The following HSP90AA1 variants were observed in gnomAD, a reference collection of about 807,000 sequenced individuals.
HSP90AA1 encodes the protein heat shock protein 90 alpha family class A member 1.
A neutral mutation model predicts 73.3 loss-of-function variants in HSP90AA1; 18 were observed. That is an observed-to-expected ratio of 0.25 (90% CI 0.17 to 0.36). The LOEUF is 0.36. HSP90AA1 is among the 10% of genes least tolerant of loss of function. The pLI, the probability that HSP90AA1 is intolerant of heterozygous loss-of-function variation, is 1.00. For missense variants in HSP90AA1, 704 were observed against 874.2 expected (o/e 0.81, Z 2.45); for synonymous variants, 477 against 296.9 (o/e 1.61, Z -6.24).
upstream of HSP90AA1, among the ~76,000 whole-genome samples, chr14:102,089,119 C>G (rs2049317446): frequency 6.6e-6 from 1 of 152,094 alleles, no homozygotes; most frequent in Admixed American, 6.6e-5. Context: ...CGGGGTTTCA[C>G]CATGTTGGCC....
intron 6 of HSP90AA1, 165 bp from the exon 7 acceptor site, chr14:102,084,148 C>A: frequency 1.4e-6 from 1 of 715,212 alleles, no homozygotes; most frequent in Non-Finnish European, 2.4e-6. Flanking sequence ...CCACTCACTG[C>A]AACCTCTGCC....
chr14:102,101,727 A>G (rs1389319667), intron 2 of HSP90AA1: 2 of 699,636 alleles, frequency 2.9e-6, no homozygotes, highest in East Asian at 2.7e-5. Context: ...GTAGATGTCA[A>G]TGCAGTGGAT....
At position 102,139,666 on chromosome 14, in the gene HSP90AA1, T is replaced by G. The variant is rs563998051; in HGVS notation, c.-262A>C. The G allele has an allele frequency of 1.7e-4, 109 of 651,978 alleles. No individual in the cohort carries two copies. In the African/African-American group the frequency reaches 1.7e-3, roughly 10 times the overall value. 40.4% of individuals were successfully genotyped at this position (651,978 alleles called of 1,614,324 possible). On this transcript the variant is annotated 5_prime_UTR_variant, in exon 1 of 12. Transcript: ENST00000334701. Reference sequence around the variant, plus strand: ...GCCGGCATCACCTGGGAAGCAGCCATGCCGCCCGGAGGCCACACCCGGGGG... The same window carrying G: ...GCCGGCATCACCTGGGAAGCAGCCAGGCCGCCCGGAGGCCACACCCGGGGG...
At chr14:102,131,893 T>C (rs902404845) in intron 1 of HSP90AA1, among the ~76,000 whole-genome samples, 5 of 152,216 alleles carry the variant, frequency 3.3e-5, no homozygotes, top group African/African-American at 1.2e-4. Context: ...TCCTGTTTAC[T>C]GATGCATCCC....
intron 1 of HSP90AA1, among the ~76,000 whole-genome samples, chr14:102,119,512 C>T (rs56237217): frequency 0.017 from 2,636 of 152,216 alleles, 82 homozygotes; most frequent in African/African-American, 0.061. Context: ...TTTTTTGAGA[C>T]GGAGTCTCAC....
intron 1 of HSP90AA1, among the ~76,000 whole-genome samples, chr14:102,125,060 C>G (rs147567549): frequency 1.8e-4 from 27 of 152,246 alleles, no homozygotes; most frequent in Non-Finnish European, 3.5e-4. Flanking sequence ...GGTGTGATCA[C>G]AGCTCACTGA....
intron 1 of HSP90AA1, among the ~76,000 whole-genome samples, chr14:102,136,896 A>T (rs377630487): frequency 6.8e-6 from 1 of 148,004 alleles, no homozygotes; most frequent in Admixed American, 6.8e-5. Context: ...TTAAAAAAAA[A>T]AAAGGAAACA....
chr14:102,114,725 G>A (rs187749482), intron 1 of HSP90AA1, among the ~76,000 whole-genome samples: 7 of 152,054 alleles, frequency 4.6e-5, no homozygotes, highest in African/African-American at 1.4e-4. Flanking sequence ...GTTTTAGGCC[G>A]GACCCGGTTG....
chr14:102,136,567 C>CAG (rs1555364889), intron 1 of HSP90AA1, among the ~76,000 whole-genome samples: 1 of 53,238 alleles, frequency 1.9e-5, no homozygotes, highest in African/African-American at 8.6e-5. Flanking sequence ...AGACTCGTCT[C>CAG]AAAAAAAAAA....
chr14:102,120,093 G>A (rs1382174636), intron 1 of HSP90AA1, among the ~76,000 whole-genome samples: 17 of 152,298 alleles, frequency 1.1e-4, no homozygotes, highest in Non-Finnish European at 2.5e-4. Context: ...ACTGGGTGTG[G>A]TGGCTCATGC....
chr14:102,087,070 A>G, upstream of HSP90AA1: 1 of 984,692 alleles, frequency 1.0e-6, no homozygotes, highest in Non-Finnish European at 1.2e-6. Flanking sequence ...CGCCTGCCTT[A>G]TATAGCGACG....
At position 102,081,801 on chromosome 14, in the gene HSP90AA1, T is replaced by A. The variant is rs949001550; in HGVS notation, c.2110A>T (p.Thr704Ser). 2 of 1,549,908 alleles carry A rather than the reference T, an allele frequency of 1.3e-6. No individual in the cohort carries two copies. The change falls in exon 11 of 11, where the codon ACT (threonine) becomes TCT (serine). Residue 704 changes from threonine to serine, a missense_variant. Thr to Ser is a moderately conservative substitution (Grantham distance 58). Coordinates refer to ENST00000216281, the MANE Select transcript of HSP90AA1 (RefSeq NM_005348.4). The part of the protein sequence containing the change: ...LGLGIDEDDP[T>S]ADDTSAAVTE... ...ACAGCAGCACTGGTATCATCAGCAG[T>A]AGGGTCATCTTCATCAATACCTGTT...
chr14:102,103,819 A>C (rs147702378), intron 1 of HSP90AA1, among the ~76,000 whole-genome samples: 1 of 151,846 alleles, frequency 6.6e-6, no homozygotes, highest in Non-Finnish European at 1.5e-5. Context: ...CAAAAAAAAA[A>C]AAACAAAAAC....
upstream of HSP90AA1, among the ~76,000 whole-genome samples, chr14:102,089,035 C>G (rs972859990): frequency 1.3e-5 from 2 of 152,036 alleles, no homozygotes; most frequent in Non-Finnish European, 2.9e-5. Context: ...ATTCTCCTGC[C>G]TTAGCCTCCC....
intron 1 of HSP90AA1, 42 bp downstream of exon 1, chr14:102,086,944 G>A (rs1477323943): frequency 2.1e-6 from 2 of 967,108 alleles, no homozygotes; most frequent in Non-Finnish European, 2.5e-6. Flanking sequence ...CCCAGTCCCG[G>A]TCCCCAGTCC....
chr14:102,081,522 C>G lies in HSP90AA1; in HGVS notation c.*190G>C. 1 of 609,226 alleles carries G rather than the reference C, an allele frequency of 1.6e-6. No homozygotes were observed. The highest frequency in any genetic ancestry group is 2.9e-6 in the Non-Finnish European group (1 of 343,242). 37.7% of individuals were successfully genotyped at this position (609,226 alleles called of 1,614,324 possible). On this transcript the variant is annotated 3_prime_UTR_variant, in exon 11 of 11. Coordinates refer to ENST00000216281, the MANE Select transcript of HSP90AA1 (RefSeq NM_005348.4). ...CCAACATGAAACTCAAAAAGCATTA[C>G]TAGCTCTGCTTTAGTGCCTAAGGTA...
chr14:102,089,692 G>C (rs1414784072), upstream of HSP90AA1, among the ~76,000 whole-genome samples: 2 of 152,016 alleles, frequency 1.3e-5, no homozygotes, highest in Non-Finnish European at 1.5e-5. Flanking sequence ...AGCCTCATGA[G>C]CTTCCCCCCT....
intron 2 of HSP90AA1, among the ~76,000 whole-genome samples, chr14:102,092,457 G>A (rs2049371664): frequency 6.6e-6 from 1 of 151,966 alleles, no homozygotes; most frequent in Non-Finnish European, 1.5e-5. Context: ...CTTGTTTAAT[G>A]GCCCAGAATA....
intron 1 of HSP90AA1, 102 bp from the exon 2 acceptor site, chr14:102,086,480 T>C (rs2049238248): frequency 2.9e-6 from 4 of 1,366,548 alleles, no homozygotes; most frequent in Non-Finnish European, 4.2e-6. Context: ...GAATTGGAGA[T>C]TTGCGAAGTT....
Sources: gnomAD v4.1 joint callset for allele counts (sites outside exome capture counted in the v4.1 genomes callset) on GRCh38, gnomAD v4.1.1 for gene constraint, MANE v1.5 for transcripts, NCBI Gene and HGNC (gene_info 2026-07-23, HGNC 2026-07-21) for gene names.